The following HS6ST3 variants were observed in gnomAD, a reference collection of about 807,000 sequenced individuals.
HS6ST3 encodes the protein heparan sulfate 6-O-sulfotransferase 3, also known as heparan-sulfate 6-O-sulfotransferase 3.
In HS6ST3, 12 loss-of-function variants were observed where a neutral mutation model predicts 36.7. The ratio of observed to expected loss-of-function variants is 0.33; its 90% CI spans 0.21 to 0.53. HS6ST3 has a LOEUF of 0.53. Ranked by LOEUF, HS6ST3 falls within the 20% of genes least tolerant of loss-of-function variation. The pLI is 0.95. For synonymous variants in HS6ST3, 240 were observed against 257.5 expected, an observed-to-expected ratio of 0.93 and a Z score of 0.65; for missense variants, 584 against 640.9, an observed-to-expected ratio of 0.91 and a Z score of 0.96.
At chr13:96,400,155 T>TCACACACACACACA (rs55957302) in intron 1 of HS6ST3, among the ~76,000 whole-genome samples, 2,943 of 145,358 alleles carry the variant, frequency 0.02, 39 homozygotes, top group African/African-American at 0.03. Context: ...AGTGCTGAAA[T>TCACACACACACACA]CACACACACA....
rs1046724393 is a variant in HS6ST3, at chr13:96,834,926, G to A, written c.*1728G>A. ...CTGGGGTGCAAGGGAAGGCATTATC[G>A]GGTGGCTCCCTTGCTCCAGGAACTG... On this transcript the variant is annotated 3_prime_UTR_variant, in exon 2 of 2. Transcript: ENST00000376705. 2.0e-5 allele frequency: 3 copies of A among 152,510 alleles called. No homozygotes were observed. Among genetic ancestry groups the A allele is most frequent in the Non-Finnish European group, 4.4e-5 (3 of 68,032 alleles). The allele number at this position is 152,510 out of a possible 1,614,324, so 9.4% of individuals were successfully genotyped here. A position where few individuals can be genotyped will look rare whatever the true frequency, so the allele number is the denominator to read the frequency against.
intron 1 of HS6ST3, among the ~76,000 whole-genome samples, chr13:96,539,172 T>C (rs544122736): frequency 6.6e-6 from 1 of 152,286 alleles, no homozygotes; most frequent in Admixed American, 6.5e-5. Context: ...AATAGGAACA[T>C]AGAGAAAATA....
chr13:96,670,747 T>C (rs1287060495), intron 1 of HS6ST3, among the ~76,000 whole-genome samples: 1 of 152,178 alleles, frequency 6.6e-6, no homozygotes, highest in African/African-American at 2.4e-5. Context: ...ATGAAATATT[T>C]TCTTATACTT....
intron 1 of HS6ST3, 52 bp from the exon 2 acceptor site, chr13:96,832,438 A>G (rs776513116): frequency 1.8e-5 from 24 of 1,328,946 alleles, no homozygotes; most frequent in Admixed American, 7.4e-5. Context: ...AAATTTAGAT[A>G]CCTCCTGTTA....
intron 1 of HS6ST3, among the ~76,000 whole-genome samples, chr13:96,184,221 A>AAAGAGAG (rs1555389928): frequency 1.6e-5 from 1 of 61,004 alleles, no homozygotes; most frequent in African/African-American, 7.4e-5. Flanking sequence ...AAAAAAAAAA[A>AAAGAGAG]AGAGAGAGAG....
At chr13:96,550,642 A>G (rs1276502636) in intron 1 of HS6ST3, among the ~76,000 whole-genome samples, 2 of 151,098 alleles carry the variant, frequency 1.3e-5, no homozygotes, top group Non-Finnish European at 3.0e-5. Context: ...TATAGGGACA[A>G]TATTTTATGT....
intron 1 of HS6ST3, among the ~76,000 whole-genome samples, chr13:96,255,657 A>T (rs1299941895): frequency 6.6e-6 from 1 of 152,232 alleles, no homozygotes; most frequent in East Asian, 1.9e-4. Flanking sequence ...ACTTTCATGG[A>T]GACTTACCAA....
chr13:96,673,870 C>T (rs1411052233), intron 1 of HS6ST3, among the ~76,000 whole-genome samples: 1 of 151,974 alleles, frequency 6.6e-6, no homozygotes, highest in Non-Finnish European at 1.5e-5. Context: ...AGATTTTGAA[C>T]TTTCTGTATC....
intron 1 of HS6ST3, among the ~76,000 whole-genome samples, chr13:96,359,444 A>T (rs1348401323): frequency 6.6e-6 from 1 of 152,180 alleles, no homozygotes; most frequent in Non-Finnish European, 1.5e-5. Flanking sequence ...TAATCAGTAC[A>T]CTTTTAGAAA....
At chr13:96,773,428 T>TGCAAGC (rs1877316302) in intron 1 of HS6ST3, among the ~76,000 whole-genome samples, 1 of 152,194 alleles carries the variant, frequency 6.6e-6, no homozygotes, top group Non-Finnish European at 1.5e-5. Flanking sequence ...ATCCACTGGC[T>TGCAAGC]TGAAATTCTC....
intron 1 of HS6ST3, among the ~76,000 whole-genome samples, chr13:96,577,652 A>G (rs1295630664): frequency 6.6e-6 from 1 of 152,240 alleles, no homozygotes; most frequent in South Asian, 2.1e-4. Flanking sequence ...AATTTACATG[A>G]AAATAAAACT....
intron 1 of HS6ST3, among the ~76,000 whole-genome samples, chr13:96,485,271 GT>G (rs2055908315): frequency 6.6e-6 from 1 of 152,000 alleles, no homozygotes; most frequent in Non-Finnish European, 1.5e-5. Flanking sequence ...TTCATAGGAG[GT>G]TTGTAGTCTT....
intron 1 of HS6ST3, among the ~76,000 whole-genome samples, chr13:96,605,700 C>T (rs1241063295): frequency 2.0e-5 from 3 of 152,038 alleles, no homozygotes; most frequent in African/African-American, 4.8e-5. Context: ...AGTTAAGTGA[C>T]TCATTTAATT....
At chr13:96,700,997 A>G (rs893982692) in intron 1 of HS6ST3, among the ~76,000 whole-genome samples, 8 of 152,236 alleles carry the variant, frequency 5.3e-5, no homozygotes, top group South Asian at 4.1e-4. Flanking sequence ...GATTCACCTC[A>G]TAGAATAAAG....
intron 1 of HS6ST3, among the ~76,000 whole-genome samples, chr13:96,149,731 C>G (rs2054075493): frequency 6.6e-6 from 1 of 152,112 alleles, no homozygotes; most frequent in African/African-American, 2.4e-5. Context: ...ATACAAGGTA[C>G]AACTTTCTAT....
chr13:96,515,062 A>G (rs1459714396), intron 1 of HS6ST3, among the ~76,000 whole-genome samples: 2 of 152,222 alleles, frequency 1.3e-5, no homozygotes, highest in African/African-American at 4.8e-5. Context: ...ATCTATCTCT[A>G]TGTGCACCTT....
chr13:96,753,149 G>A (rs1346036611), intron 1 of HS6ST3, among the ~76,000 whole-genome samples: 1 of 152,112 alleles, frequency 6.6e-6, no homozygotes, highest in African/African-American at 2.4e-5. Context: ...AATTGCTGTG[G>A]CATTAAATTG....
At chr13:96,658,172 T>TGCATGTATTATTA (rs1269103433) in intron 1 of HS6ST3, among the ~76,000 whole-genome samples, 1 of 152,094 alleles carries the variant, frequency 6.6e-6, no homozygotes, top group African/African-American at 2.4e-5. Context: ...TTCACATTGT[T>TGCATGTATTATTA]GCATGTATTA....
intron 1 of HS6ST3, among the ~76,000 whole-genome samples, chr13:96,401,773 C>T (rs2055452965): frequency 1.3e-5 from 2 of 152,168 alleles, no homozygotes; most frequent in South Asian, 4.1e-4. Flanking sequence ...CAGGGTTTCA[C>T]CATGCTGCCA....
Sources: allele counts gnomAD v4.1 joint callset (sites outside exome capture counted in the v4.1 genomes callset), GRCh38; gene constraint gnomAD v4.1.1; transcripts MANE v1.5; gene names NCBI Gene and HGNC (gene_info 2026-07-23, HGNC 2026-07-21).